The following EDN3 variants were observed in gnomAD, a reference collection of about 807,000 sequenced individuals.
EDN3 encodes endothelin 3, also known as endothelin-3.
EDN3 carries 9 observed loss-of-function variants against 21.4 expected under a neutral mutation model. That is an observed-to-expected ratio of 0.42 (90% confidence interval 0.25 to 0.73). EDN3 has a LOEUF of 0.73. Among genes scored for constraint, EDN3 ranks in the 30% least tolerant of loss-of-function variants. The pLI is 0.26. For missense variants in EDN3, 327 were observed against 309.4 expected, an observed-to-expected ratio of 1.06 and a Z score of -0.43; for synonymous variants, 133 against 126.2, an observed-to-expected ratio of 1.05 and a Z score of -0.36.
intron 2 of EDN3, among the ~76,000 whole-genome samples, chr20:59,316,901 G>A (rs539849474): frequency 6.6e-6 from 1 of 152,296 alleles, no homozygotes; most frequent in South Asian, 2.1e-4. Flanking sequence ...TTTTTTCTAA[G>A]GATATTTGGA....
intron 2 of EDN3, among the ~76,000 whole-genome samples, chr20:59,318,425 T>C (rs187572161): frequency 1.7e-3 from 266 of 152,366 alleles, no homozygotes; most frequent in African/African-American, 6.2e-3. Flanking sequence ...CTTTTTCGTT[T>C]CAGGGCTTAT....
chr20:59,306,606 A>AAAAAAAAAAAAAAAAAAAAAAAAAAAAAT (rs1568829304), intron 2 of EDN3, among the ~76,000 whole-genome samples: 1 of 151,608 alleles, frequency 6.6e-6, no homozygotes, highest in Non-Finnish European at 1.5e-5. Flanking sequence ...AAAAAAAAAA[A>AAAAAAAAAAAAAAAAAAAAAAAAAAAAAT]AAAAAAAAAA....
chr20:59,306,283 G>A (rs1432105734), intron 2 of EDN3, among the ~76,000 whole-genome samples: 1 of 152,134 alleles, frequency 6.6e-6, no homozygotes, highest in Admixed American at 6.5e-5. Context: ...GGAAAATTTG[G>A]GATTTGCAGT....
At chr20:59,310,880 A>G (rs762761948) in intron 2 of EDN3, among the ~76,000 whole-genome samples, 3 of 152,114 alleles carry the variant, frequency 2.0e-5, no homozygotes, top group East Asian at 3.9e-4. Context: ...GCAGAGGTCC[A>G]TGTAACTTTT....
In EDN3 at chr20:59,322,495, T is replaced by C; in HGVS notation, c.588+78T>C. On this transcript the variant is annotated intron_variant, in intron 4 of 4. Transcript: ENST00000337938. This position sits in a 1 kb window ranked among gnomAD's most constrained non-coding sequence, Gnocchi z 4.1. ...CATTCCTTCGGGGGTGGGTGGAGGG[T>C]GTTTTGAGGGGATGGCATCTGGTCT... 6.3e-7 allele frequency: 1 copy of C among 1,584,584 alleles called. No homozygotes were observed. Among genetic ancestry groups the C allele is most frequent in the South Asian group, 1.1e-5 (1 of 90,274 alleles).
chr20:59,312,410 A>G (rs1290902944), intron 2 of EDN3, among the ~76,000 whole-genome samples: 2 of 152,114 alleles, frequency 1.3e-5, no homozygotes, highest in Non-Finnish European at 2.9e-5. Flanking sequence ...ACCACATAAC[A>G]AAAACCAGAG....
intron 3 of EDN3, among the ~76,000 whole-genome samples, chr20:59,321,864 AG>A (rs34332817): frequency 5.3e-5 from 8 of 152,332 alleles, no homozygotes; most frequent in African/African-American, 1.9e-4. Context: ...TGTTTGACCC[AG>A]GGGCTTTGAG....
At chr20:59,312,370 T>G (rs151232668) in intron 2 of EDN3, among the ~76,000 whole-genome samples, 1 of 152,190 alleles carries the variant, frequency 6.6e-6, no homozygotes, top group Admixed American at 6.5e-5. Flanking sequence ...CTCTAATTTT[T>G]TTTTTAGCCA....
chr20:59,315,925 G>C (rs553467291), intron 2 of EDN3, among the ~76,000 whole-genome samples: 1 of 152,150 alleles, frequency 6.6e-6, no homozygotes, highest in Non-Finnish European at 1.5e-5. Context: ...TATGGTTCAC[G>C]CCTGTAATCC....
chr20:59,317,245 G>T (rs2284803), intron 2 of EDN3, among the ~76,000 whole-genome samples: 22,237 of 152,202 alleles, frequency 0.15, 1,877 homozygotes, highest in Non-Finnish European at 0.19. Context: ...GTAATCTGGC[G>T]TCAGAGCTCG....
chr20:59,314,879 G>A (rs958153108), intron 2 of EDN3, among the ~76,000 whole-genome samples: 6 of 152,312 alleles, frequency 3.9e-5, no homozygotes, highest in East Asian at 1.9e-4. Context: ...TGTGTTGTGC[G>A]TAGCAGTGTC....
At chr20:59,311,504 C>A (rs141990637) in intron 2 of EDN3, among the ~76,000 whole-genome samples, 1 of 152,242 alleles carries the variant, frequency 6.6e-6, no homozygotes, top group Non-Finnish European at 1.5e-5. Flanking sequence ...TATAGGGTGA[C>A]TTCCTGATGT....
At chr20:59,301,836 C>G (rs1190444112) in intron 2 of EDN3, 114 bp downstream of exon 2, 1 of 1,230,806 alleles carries the variant, frequency 8.1e-7, no homozygotes, top group Admixed American at 1.8e-5. Context: ...AGAGCCTGCC[C>G]TGGCACAGCC....
In EDN3 at chr20:59,300,710, C is replaced by G; in HGVS notation, c.-103C>G. The G allele has an allele frequency of 2.3e-6, 3 of 1,276,966 alleles. No homozygotes were observed. Among genetic ancestry groups the G allele is most frequent in the South Asian group, 1.3e-5 (1 of 78,014 alleles). 79.1% of individuals were successfully genotyped at this position (1,276,966 alleles called of 1,614,324 possible). On this transcript the variant is annotated 5_prime_UTR_variant, in exon 1 of 5. Coordinates refer to ENST00000337938, the MANE Select transcript of EDN3 (RefSeq NM_207034.3). ...CGAGCGATCGGCCGGCCTCGAACCCCCACAGCTGGAGGGCGAGGCCAGCTG... is the reference window on the plus strand; with the variant it reads ...CGAGCGATCGGCCGGCCTCGAACCCGCACAGCTGGAGGGCGAGGCCAGCTG...
chr20:59,319,728 A>G (rs1264491211), intron 2 of EDN3, among the ~76,000 whole-genome samples: 3 of 147,236 alleles, frequency 2.0e-5, no homozygotes, highest in Non-Finnish European at 3.0e-5. Context: ...CTCTGTCTCA[A>G]AAAAAAAAAA....
At chr20:59,320,947 C>A in intron 2 of EDN3, 70 bp from the exon 3 acceptor site, 1 of 1,567,422 alleles carries the variant, frequency 6.4e-7, no homozygotes, top group Non-Finnish European at 8.8e-7. Context: ...GGTTCTCGCT[C>A]CACACCCTTG....
chr20:59,323,085 G>T (rs1278827088), intron 4 of EDN3, among the ~76,000 whole-genome samples: 1 of 152,138 alleles, frequency 6.6e-6, no homozygotes, highest in Non-Finnish European at 1.5e-5. Flanking sequence ...CATAATAATA[G>T]CCTGGAGGTG....
chr20:59,306,527 A>G (rs912089816), intron 2 of EDN3, among the ~76,000 whole-genome samples: 2 of 149,572 alleles, frequency 1.3e-5, no homozygotes, highest in African/African-American at 2.5e-5. Flanking sequence ...GGATCAAGCC[A>G]CACTAAACTT....
At chr20:59,318,711 C>G (rs767324240) in intron 2 of EDN3, among the ~76,000 whole-genome samples, 1 of 152,206 alleles carries the variant, frequency 6.6e-6, no homozygotes, top group African/African-American at 2.4e-5. Context: ...GCTTGGCGGC[C>G]GGGGAAGTGC....
Sources: gnomAD v4.1 joint callset for allele counts (sites outside exome capture counted in the v4.1 genomes callset) on GRCh38, gnomAD v4.1.1 for gene constraint, Gnocchi (gnomAD v3.1) non-coding constraint, MANE v1.5 for transcripts, NCBI Gene and HGNC (gene_info 2026-07-23, HGNC 2026-07-21) for gene names.